ARHGAP32: variants seen among roughly 807,000 people sequenced by gnomAD.
ARHGAP32 encodes the protein rho GTPase-activating protein 32.
A neutral mutation model predicts 186.5 loss-of-function variants in ARHGAP32; 51 were observed. That is an observed-to-expected ratio of 0.27 (90% CI 0.22 to 0.35). ARHGAP32 has a LOEUF of 0.35. Among genes scored for constraint, ARHGAP32 ranks in the 10% least tolerant of loss-of-function variants. ARHGAP32 has a pLI of 1.00. For missense variants in ARHGAP32, 2,186 were observed against 2,623.5 expected, an observed-to-expected ratio of 0.83 and a Z score of 3.64; for synonymous variants, 950 against 964.3, an observed-to-expected ratio of 0.99 and a Z score of 0.27.
upstream of ARHGAP32, among the ~76,000 whole-genome samples, chr11:129,193,782 T>A (rs1944352855): frequency 8.0e-6 from 1 of 125,068 alleles, no homozygotes; most frequent in Non-Finnish European, 1.6e-5. Flanking sequence ...TAAAAACTTT[T>A]CAAAAAAAAT....
At chr11:129,150,256 T>C (rs1031477568) in intron 2 of ARHGAP32, among the ~76,000 whole-genome samples, 1 of 152,084 alleles carries the variant, frequency 6.6e-6, no homozygotes, top group Non-Finnish European at 1.5e-5. Flanking sequence ...GTAGGGTTAA[T>C]TGAGGAAAAC....
intron 1 of ARHGAP32, among the ~76,000 whole-genome samples, chr11:129,223,376 T>G (rs1408407271): frequency 6.6e-6 from 1 of 152,126 alleles, no homozygotes; most frequent in African/African-American, 2.4e-5. Context: ...AGAGTGCTTT[T>G]ATTTGTTTCT....
intron 5 of ARHGAP32, among the ~76,000 whole-genome samples, chr11:129,114,695 T>A (rs747121463): frequency 1.3e-5 from 2 of 152,150 alleles, no homozygotes; most frequent in Non-Finnish European, 2.9e-5. Flanking sequence ...ACTTCTCAAT[T>A]TAATAATATT....
At chr11:129,122,370 T>C (rs916023298) in intron 5 of ARHGAP32, among the ~76,000 whole-genome samples, 2 of 151,896 alleles carry the variant, frequency 1.3e-5, no homozygotes, top group Non-Finnish European at 2.9e-5. Context: ...TAGAAAATAA[T>C]TTACCTAAAT....
chr11:129,169,386 C>A (rs1488601472), intron 1 of ARHGAP32, among the ~76,000 whole-genome samples: 2 of 152,040 alleles, frequency 1.3e-5, no homozygotes, highest in South Asian at 4.1e-4. Flanking sequence ...AATCCCAGCA[C>A]TTTGGGAGGC....
intron 10 of ARHGAP32, among the ~76,000 whole-genome samples, chr11:129,047,486 G>A (rs1447554086): frequency 1.3e-5 from 2 of 151,920 alleles, no homozygotes; most frequent in South Asian, 4.2e-4. Context: ...TATGGACCCT[G>A]TGATTGAGCA....
intron 11 of ARHGAP32, among the ~76,000 whole-genome samples, chr11:129,003,460 T>C (rs991230082): frequency 2.0e-5 from 3 of 152,198 alleles, no homozygotes; most frequent in East Asian, 1.9e-4. Context: ...TTGGTACTTG[T>C]TCTTCTTTGA....
At chr11:129,133,004 G>C (rs970151091) in intron 2 of ARHGAP32, among the ~76,000 whole-genome samples, 3 of 152,152 alleles carry the variant, frequency 2.0e-5, no homozygotes, top group African/African-American at 7.2e-5. Flanking sequence ...AAGGGGTTTA[G>C]TTGGTTCACG....
Position 128,974,727 on chromosome 11 carries a change from C to G in ARHGAP32, c.2470G>C (p.Glu824Gln), listed in dbSNP as rs1277931327. The G allele has an allele frequency of 6.2e-7, 1 of 1,614,198 alleles. No homozygotes were observed. The highest frequency in any genetic ancestry group is 1.1e-5 in the South Asian group (1 of 91,072). Residue 824 changes from glutamate (E) to glutamine (Q), a missense_variant, in exon 21 of 23, where the codon GAA (glutamate) becomes CAA (glutamine). By Grantham distance (29) the Glu-to-Gln change is conservative. Around this residue, in one of 5 missense-constraint regions of ARHGAP32, gnomAD observed 263 missense variants for 323.5 expected, o/e 0.81. Coordinates refer to ENST00000682385, the MANE Select transcript of ARHGAP32 (RefSeq NM_001378024.1). Reference protein sequence around the residue: ...FQCSPPKAESECLESGASFLD... With the variant: ...FQCSPPKAESQCLESGASFLD... The stretch of plus-strand genomic sequence containing the variant: ...AAGGAAGCACCACTCTCCAGACATT[C>G]TGATTCGGCCTTAGGAGGACTACAT...
intron 1 of ARHGAP32, among the ~76,000 whole-genome samples, chr11:129,230,160 T>G (rs1377949970): frequency 6.6e-6 from 1 of 152,122 alleles, no homozygotes; most frequent in Non-Finnish European, 1.5e-5. Flanking sequence ...TATATGCTAC[T>G]GAAGAATTGG....
At position 128,973,357 on chromosome 11, in the gene ARHGAP32, G is replaced by A. The variant is rs772065952; in HGVS notation, c.3149C>T (p.Pro1050Leu). The change falls in exon 22 of 23, where the codon CCG becomes CTG. Residue 1050 changes from proline to leucine, a missense_variant. Coordinates refer to ENST00000682385, the MANE Select transcript of ARHGAP32 (RefSeq NM_001378024.1). ...CGCCAACATTCGGGCAACATTTTTCGGAGGCGGTGGTGGTGGGATAAGAGA... is the reference window on the plus strand; with the variant it reads ...CGCCAACATTCGGGCAACATTTTTCAGAGGCGGTGGTGGTGGGATAAGAGA... ...SVSLIPPPPP[P>L]KNVARMLALA... 13 of 1,613,954 alleles carry A rather than the reference G, an allele frequency of 8.1e-6. No homozygotes were observed. Among genetic ancestry groups the A allele is most frequent in the East Asian group, 6.7e-5 (3 of 44,890 alleles).
intron 1 of ARHGAP32, among the ~76,000 whole-genome samples, chr11:129,268,404 A>T (rs1320548883): frequency 6.6e-6 from 1 of 152,152 alleles, no homozygotes; most frequent in Non-Finnish European, 1.5e-5. Flanking sequence ...CGGTCATGTG[A>T]ATAACTGAGT....
chr11:129,153,949 T>A (rs1943345776), intron 2 of ARHGAP32, among the ~76,000 whole-genome samples: 1 of 151,468 alleles, frequency 6.6e-6, no homozygotes, highest in African/African-American at 2.4e-5. Flanking sequence ...AATAGACAAC[T>A]AACAGAATGG....
chr11:129,054,175 CTCATGGAAAACCAAGAGAACATGGGG>C (rs367980985), intron 10 of ARHGAP32, among the ~76,000 whole-genome samples: 303 of 152,200 alleles, frequency 2.0e-3, no homozygotes, highest in African/African-American at 7.1e-3. Flanking sequence ...CCTTGATCAT[CTCATGGAAAACCAAGAGAACATGGGG>C]TATATAAAAT....
intron 12 of ARHGAP32, among the ~76,000 whole-genome samples, chr11:128,995,121 A>G (rs914530319): frequency 2.0e-5 from 3 of 152,220 alleles, no homozygotes; most frequent in Admixed American, 2.0e-4. Flanking sequence ...TTCATTTCTC[A>G]TATCACCTAA....
chr11:129,194,210 T>C (rs1944360763), upstream of ARHGAP32, among the ~76,000 whole-genome samples: 1 of 152,142 alleles, frequency 6.6e-6, no homozygotes, highest in African/African-American at 2.4e-5. Context: ...AAATTCAAAA[T>C]GCACATCTTT....
At chr11:129,087,946 T>C (rs774644342) in intron 6 of ARHGAP32, among the ~76,000 whole-genome samples, 2 of 152,234 alleles carry the variant, frequency 1.3e-5, no homozygotes, top group Non-Finnish European at 2.9e-5. Flanking sequence ...ATCTTCCATC[T>C]AAGTAGTGTT....
intron 10 of ARHGAP32, among the ~76,000 whole-genome samples, chr11:129,046,069 G>A (rs1213561755): frequency 2.0e-5 from 3 of 152,020 alleles, no homozygotes; most frequent in South Asian, 2.1e-4. Context: ...AGCTCTCCAC[G>A]GGGGAAAGGC....
At chr11:129,003,841 T>A (rs1937631155) in intron 11 of ARHGAP32, among the ~76,000 whole-genome samples, 1 of 152,130 alleles carries the variant, frequency 6.6e-6, no homozygotes, top group African/African-American at 2.4e-5. Flanking sequence ...TTTTCTTTTG[T>A]TGATCTTTGT....
Sources: gnomAD v4.1 joint callset for allele counts (sites outside exome capture counted in the v4.1 genomes callset) on GRCh38, gnomAD v4.1.1 for gene constraint, gnomAD v4.1.1 regional missense constraint, MANE v1.5 for transcripts, NCBI Gene and HGNC (gene_info 2026-07-23, HGNC 2026-07-21) for gene names.